The following FCHSD2 variants were observed in gnomAD, a reference collection of about 807,000 sequenced individuals.
FCHSD2 encodes the protein FCH and double SH3 domains 2.
FCHSD2 carries 38 observed loss-of-function variants against 108.1 expected under a neutral mutation model. The observed-to-expected ratio is 0.35, with a 90% confidence interval of 0.27 to 0.46. The LOEUF (loss-of-function observed/expected upper bound fraction) is 0.46. FCHSD2 is among the 20% of genes least tolerant of loss of function. The probability of loss-of-function intolerance (pLI) is 1.00; values close to 1 mark genes in which losing one functional copy is unlikely to be tolerated. For synonymous variants in FCHSD2, 279 were observed against 314.7 expected (o/e 0.89, Z 1.20); for missense variants, 751 against 897.8 (o/e 0.84, Z 2.09).
chr11:73,049,077 T>C (rs552569019), intron 3 of FCHSD2, among the ~76,000 whole-genome samples: 1 of 152,312 alleles, frequency 6.6e-6, no homozygotes, highest in Admixed American at 6.5e-5. Context: ...AGTCCTGCCA[T>C]GGGTTCAGCG....
chr11:73,065,564 A>G (rs530549362), intron 3 of FCHSD2, among the ~76,000 whole-genome samples: 6 of 152,322 alleles, frequency 3.9e-5, no homozygotes, highest in African/African-American at 9.6e-5. Context: ...AGGAAGTCAA[A>G]TTGTCTCTGT....
intron 14 of FCHSD2, among the ~76,000 whole-genome samples, chr11:72,845,456 A>C (rs1386268978): frequency 2.5e-4 from 12 of 47,480 alleles, no homozygotes; most frequent in Middle Eastern, 6.7e-3. Flanking sequence ...AAAAAAAAAA[A>C]AAAAACAACA....
At chr11:72,854,433 ATCTG>A (rs897380533) in intron 13 of FCHSD2, among the ~76,000 whole-genome samples, 12 of 152,312 alleles carry the variant, frequency 7.9e-5, no homozygotes, top group South Asian at 6.2e-4. Flanking sequence ...CTGTCTACCT[ATCTG>A]TCTATCTGGT....
rs1342153360 is a variant in FCHSD2, at chr11:73,101,316, G to C, written c.120-17576C>G. On this transcript the variant is annotated intron_variant, in intron 2 of 19. Coordinates refer to ENST00000409418, the MANE Select transcript of FCHSD2 (RefSeq NM_014824.3). ...AGATTTGTTTATTCATCTGTAGAAT[G>C]TTAAGGTTAGGCTACATCACTAAAA... Among the ~76,000 whole-genome samples the C allele has an allele frequency of 2.0e-5, 3 of 152,210 alleles. No individual in the cohort carries two copies. In the East Asian group the frequency reaches 5.8e-4, roughly 29 times the overall value.
At chr11:73,139,142 T>A (rs1361830378) in intron 2 of FCHSD2, among the ~76,000 whole-genome samples, 1 of 152,220 alleles carries the variant, frequency 6.6e-6, no homozygotes, top group Admixed American at 6.5e-5. Context: ...GAAACTAAAA[T>A]CTTTGGGCTA....
chr11:72,979,991 C>T (rs1370820786), intron 8 of FCHSD2, among the ~76,000 whole-genome samples: 2 of 152,082 alleles, frequency 1.3e-5, no homozygotes, highest in Non-Finnish European at 2.9e-5. Context: ...GTTTTGTTCC[C>T]TAAGAAGGCA....
intron 10 of FCHSD2, among the ~76,000 whole-genome samples, chr11:72,900,615 C>A (rs1056333171): frequency 6.6e-6 from 1 of 151,562 alleles, no homozygotes; most frequent in African/African-American, 2.4e-5. Flanking sequence ...CCCTCCCAGG[C>A]TTCAAAGAAG....
intron 3 of FCHSD2, among the ~76,000 whole-genome samples, chr11:73,043,631 C>T (rs984239060): frequency 1.3e-5 from 2 of 152,116 alleles, no homozygotes; most frequent in African/African-American, 2.4e-5. Context: ...ACCAGTATCC[C>T]CATTCTCCTC....
At chr11:73,127,416 C>CT (rs1430871424) in intron 2 of FCHSD2, among the ~76,000 whole-genome samples, 3 of 152,218 alleles carry the variant, frequency 2.0e-5, no homozygotes, top group Non-Finnish European at 4.4e-5. Flanking sequence ...GACAGAACAT[C>CT]TGCAGCAGTG....
At chr11:72,901,904 T>G (rs935379749) in intron 10 of FCHSD2, among the ~76,000 whole-genome samples, 2 of 152,150 alleles carry the variant, frequency 1.3e-5, no homozygotes, top group Non-Finnish European at 2.9e-5. Flanking sequence ...AGACAGAATC[T>G]CACTCTGTCA....
intron 3 of FCHSD2, among the ~76,000 whole-genome samples, chr11:73,036,520 C>G (rs1359996074): frequency 6.6e-6 from 1 of 152,066 alleles, no homozygotes; most frequent in African/African-American, 2.4e-5. Flanking sequence ...ATAATGAAAC[C>G]TAAATTTAAT....
At chr11:72,969,904 T>C (rs1856978131) in intron 8 of FCHSD2, among the ~76,000 whole-genome samples, 1 of 152,200 alleles carries the variant, frequency 6.6e-6, no homozygotes, top group Non-Finnish European at 1.5e-5. Context: ...CCCTCATTAT[T>C]ACAGGAATAG....
intron 2 of FCHSD2, among the ~76,000 whole-genome samples, chr11:73,084,879 T>G (rs78632327): frequency 5.9e-5 from 9 of 151,654 alleles, no homozygotes; most frequent in African/African-American, 2.2e-4. Context: ...GTTTAAAGAC[T>G]TTACCGTTAT....
intron 9 of FCHSD2, among the ~76,000 whole-genome samples, chr11:72,909,452 G>A (rs557458068): frequency 4.7e-4 from 71 of 152,302 alleles, no homozygotes; most frequent in African/African-American, 1.5e-3. Context: ...CTGCCCAGCC[G>A]CCACCCCATC....
chr11:73,140,223 T>C, intron 1 of FCHSD2, 95 bp from the exon 2 acceptor site: 1 of 627,828 alleles, frequency 1.6e-6, no homozygotes. Flanking sequence ...TGTCTCTTGC[T>C]CGCCTCTCCC....
At chr11:72,935,403 C>G (rs919434843) in intron 8 of FCHSD2, among the ~76,000 whole-genome samples, 2 of 152,158 alleles carry the variant, frequency 1.3e-5, no homozygotes, top group Admixed American at 6.5e-5. Context: ...AAAACAAACT[C>G]TTCTTTTCTG....
At chr11:73,024,157 C>A (rs1192661131) in intron 3 of FCHSD2, among the ~76,000 whole-genome samples, 1 of 151,614 alleles carries the variant, frequency 6.6e-6, no homozygotes, top group Admixed American at 6.6e-5. Context: ...TCTTAATATA[C>A]GTAAATTAAA....
chr11:73,005,007 G>A (rs555909277), intron 4 of FCHSD2, among the ~76,000 whole-genome samples: 3 of 152,206 alleles, frequency 2.0e-5, no homozygotes, highest in South Asian at 2.1e-4. Context: ...TTACTTGCAC[G>A]AACTACCTGT....
At chr11:72,919,041 C>T (rs1445762229) in intron 9 of FCHSD2, among the ~76,000 whole-genome samples, 1 of 152,122 alleles carries the variant, frequency 6.6e-6, no homozygotes, top group Non-Finnish European at 1.5e-5. Context: ...AGCACTTTAA[C>T]ATTTACAGTA....
Sources: gnomAD v4.1 joint callset for allele counts (sites outside exome capture counted in the v4.1 genomes callset) on GRCh38, gnomAD v4.1.1 for gene constraint, MANE v1.5 for transcripts, NCBI Gene and HGNC (gene_info 2026-07-23, HGNC 2026-07-21) for gene names.